Variants in TFEC observed in about 807,000 individuals in gnomAD.
TFEC encodes transcription factor EC, also known as class E basic helix-loop-helix protein 34.
Under a neutral mutation model 41.6 loss-of-function variants are expected in TFEC, and 31 were observed. The observed-to-expected ratio is 0.74, with a 90% CI of 0.56 to 1.01. TFEC has a LOEUF of 1.01. Ranked by LOEUF, TFEC falls within the 50% of genes least tolerant of loss-of-function variation. The probability of loss-of-function intolerance (pLI) is 0.00; values close to 1 mark genes in which losing one functional copy is unlikely to be tolerated. For missense variants in TFEC, 402 were observed against 404.1 expected (o/e 0.99, Z 0.04); for synonymous variants, 143 against 140.6 (o/e 1.02, Z -0.12).
chr7:116,051,157 G>T (rs1030759010), intron 3 of TFEC, among the ~76,000 whole-genome samples: 2 of 152,132 alleles, frequency 1.3e-5, no homozygotes, highest in African/African-American at 4.8e-5. Context: ...TGGGGTTGGG[G>T]GAAGGGGGAG....
chr7:115,940,357 T>C lies in TFEC; in HGVS notation c.*194A>G, dbSNP rs973195039. ...TAGTCAAAGAAGAAAACACCTTTTT[T>C]TCGCCCTCAATAATTCATTAACACT... On this transcript the variant is annotated 3_prime_UTR_variant, in exon 8 of 8. Transcript: ENST00000265440. The C allele has an allele frequency of 6.9e-5, 39 of 562,652 alleles. No homozygotes were observed. The highest frequency in any genetic ancestry group is 1.1e-4 in the Non-Finnish European group (37 of 344,578). 34.9% of individuals were successfully genotyped at this position (562,652 alleles called of 1,614,324 possible).
At chr7:116,090,123 G>A (rs1428420091) in intron 3 of TFEC, among the ~76,000 whole-genome samples, 1 of 152,176 alleles carries the variant, frequency 6.6e-6, no homozygotes, top group Non-Finnish European at 1.5e-5. Context: ...AAATCCCCAC[G>A]TTTTTCTGCC....
At chr7:116,060,393 C>G (rs1013252015) in intron 3 of TFEC, among the ~76,000 whole-genome samples, 1 of 152,030 alleles carries the variant, frequency 6.6e-6, no homozygotes, top group Non-Finnish European at 1.5e-5. Flanking sequence ...AACCATTCTA[C>G]CATAAAGACC....
chr7:116,023,210 T>C (rs1202482992), intron 1 of TFEC, among the ~76,000 whole-genome samples: 1 of 152,186 alleles, frequency 6.6e-6, no homozygotes, highest in Non-Finnish European at 1.5e-5. Flanking sequence ...TACTTATCTA[T>C]CACATCCAGA....
At chr7:116,015,544 T>G (rs553536771) in intron 1 of TFEC, among the ~76,000 whole-genome samples, 4 of 152,052 alleles carry the variant, frequency 2.6e-5, no homozygotes, top group Non-Finnish European at 5.9e-5. Flanking sequence ...CAATTAGCAT[T>G]TCAGAAATAT....
intron 3 of TFEC, among the ~76,000 whole-genome samples, chr7:116,052,673 C>T (rs1359292789): frequency 6.6e-6 from 1 of 151,786 alleles, no homozygotes; most frequent in East Asian, 2.0e-4. Flanking sequence ...GTGATCCACC[C>T]ACCTTAGCCT....
intron 3 of TFEC, among the ~76,000 whole-genome samples, chr7:116,095,555 GA>G (rs1286172044): frequency 3.3e-5 from 5 of 152,130 alleles, no homozygotes; most frequent in African/African-American, 1.2e-4. Flanking sequence ...ACTTTACTGT[GA>G]TGTACCCTGA....
In TFEC at chr7:116,080,849, G is replaced by A. The variant is rs574654018; in HGVS notation, c.198+29859C>T. Among the ~76,000 whole-genome samples, 3 of 152,148 alleles carry A rather than the reference G, an allele frequency of 2.0e-5. No individual in the cohort carries two copies. The South Asian group carries it at 6.2e-4, about 32-fold the overall frequency. On this transcript the variant is annotated intron_variant, in intron 3 of 8. Coordinates refer to the TFEC transcript ENST00000484212. ...AATCCTACTGCTAGGTATCTGGCCA[G>A]ATGAAAAGATGCCATTACATGAAAA...
chr7:115,964,976 G>A (rs980572701), intron 3 of TFEC, among the ~76,000 whole-genome samples: 1 of 151,534 alleles, frequency 6.6e-6, no homozygotes. Flanking sequence ...ACTAGCAAAG[G>A]AGAAAGAACA....
At chr7:116,159,747 T>C (rs1388324856) in intron 1 of TFEC, 2 of 152,156 alleles carry the variant, frequency 1.3e-5, no homozygotes, top group Non-Finnish European at 2.9e-5. Flanking sequence ...CGAGTGATTT[T>C]ATACTTTGTA....
chr7:116,126,517 G>A (rs1045479642), intron 1 of TFEC, among the ~76,000 whole-genome samples: 4 of 152,020 alleles, frequency 2.6e-5, no homozygotes, highest in African/African-American at 9.7e-5. Flanking sequence ...AGGCCATCAA[G>A]CACCCAGCCC....
chr7:115,943,809 T>C (rs1181768677), intron 6 of TFEC, among the ~76,000 whole-genome samples: 1 of 151,496 alleles, frequency 6.6e-6, no homozygotes, highest in Non-Finnish European at 1.5e-5. Flanking sequence ...CTTAAAATGT[T>C]GGTGGATTAA....
At chr7:116,157,743 G>GC (rs1350831538) in intron 1 of TFEC, among the ~76,000 whole-genome samples, 1 of 152,014 alleles carries the variant, frequency 6.6e-6, no homozygotes, top group East Asian at 1.9e-4. Context: ...CCTTCCCTAG[G>GC]CATCCCCAAA....
At chr7:116,027,154 A>T (rs1795615859) in intron 1 of TFEC, among the ~76,000 whole-genome samples, 1 of 152,178 alleles carries the variant, frequency 6.6e-6, no homozygotes, top group Non-Finnish European at 1.5e-5. Flanking sequence ...GCAGGGATAA[A>T]TACCTGTCTA....
At chr7:116,132,157 G>A (rs1031943109) in intron 1 of TFEC, among the ~76,000 whole-genome samples, 60 of 152,144 alleles carry the variant, frequency 3.9e-4, no homozygotes, top group African/African-American at 1.4e-3. Flanking sequence ...AGAAGCCAAC[G>A]GCATCATTTT....
intron 3 of TFEC, among the ~76,000 whole-genome samples, chr7:116,089,420 A>ATCTT (rs1463239549): frequency 8.5e-5 from 13 of 152,158 alleles, no homozygotes; most frequent in African/African-American, 3.1e-4. Flanking sequence ...TGATTGGAAG[A>ATCTT]GGCTGACTCT....
At chr7:116,094,815 G>A (rs1393822540) in intron 3 of TFEC, among the ~76,000 whole-genome samples, 2 of 152,150 alleles carry the variant, frequency 1.3e-5, no homozygotes, top group African/African-American at 4.8e-5. Context: ...TTATTCAGTG[G>A]TCAATTTATT....
At chr7:116,054,546 A>G (rs1796384697) in intron 3 of TFEC, among the ~76,000 whole-genome samples, 1 of 152,170 alleles carries the variant, frequency 6.6e-6, no homozygotes, top group Non-Finnish European at 1.5e-5. Context: ...TGGTCAACGA[A>G]TAAAGTGAAT....
intron 3 of TFEC, among the ~76,000 whole-genome samples, chr7:116,072,327 C>T (rs1173507239): frequency 6.6e-6 from 1 of 151,462 alleles, no homozygotes. Flanking sequence ...ATTCCTTTTG[C>T]TCATAAAGTA....
Sources: gnomAD v4.1 joint callset for allele counts (sites outside exome capture counted in the v4.1 genomes callset) on GRCh38, gnomAD v4.1.1 for gene constraint, MANE v1.5 for transcripts, NCBI Gene and HGNC (gene_info 2026-07-23, HGNC 2026-07-21) for gene names.